PTGFR: variants seen among roughly 807,000 people sequenced by gnomAD.
PTGFR encodes the protein prostaglandin F receptor, also known as prostaglandin F2-alpha receptor.
Under a neutral mutation model 26.2 loss-of-function variants are expected in PTGFR, and 15 were observed. That is an observed-to-expected ratio of 0.57 (90% CI 0.38 to 0.88). PTGFR has a LOEUF of 0.88. Among genes scored for constraint, PTGFR ranks in the 40% least tolerant of loss-of-function variants. The pLI is 0.00. For missense variants in PTGFR, 369 were observed against 427.2 expected, an observed-to-expected ratio of 0.86 and a Z score of 1.20; for synonymous variants, 165 against 151.1, an observed-to-expected ratio of 1.09 and a Z score of -0.68.
chr1:78,519,632 A>T (rs1329345219), intron 2 of PTGFR, among the ~76,000 whole-genome samples: 1 of 152,130 alleles, frequency 6.6e-6, no homozygotes, highest in Admixed American at 6.6e-5. Context: ...TACTAACCTC[A>T]AAGGAATTTG....
chr1:78,497,812 C>T (rs549852987), intron 2 of PTGFR: 28 of 1,110,984 alleles, frequency 2.5e-5, no homozygotes, highest in Middle Eastern at 2.0e-4. Context: ...AGACTTAGGA[C>T]GCTATTAAAC....
At chr1:78,509,849 G>A (rs1275420349) in intron 2 of PTGFR, among the ~76,000 whole-genome samples, 1 of 152,132 alleles carries the variant, frequency 6.6e-6, no homozygotes, top group African/African-American at 2.4e-5. Flanking sequence ...ATGTTTGGTG[G>A]TAAAGGTGAC....
intron 2 of PTGFR, chr1:78,497,863 C>T: frequency 6.4e-7 from 1 of 1,556,642 alleles, no homozygotes; most frequent in Non-Finnish European, 8.8e-7. Flanking sequence ...TTTGTTTTAC[C>T]TTCTCTTCAG....
At chr1:78,509,593 A>G (rs545069241) in intron 2 of PTGFR, among the ~76,000 whole-genome samples, 39 of 152,298 alleles carry the variant, frequency 2.6e-4, no homozygotes, top group Admixed American at 2.1e-3. Flanking sequence ...TTTCCGATAC[A>G]TCTTAATTTT....
chr1:78,493,482 A>G lies in PTGFR; in HGVS notation c.739A>G (p.Met247Val). The G allele has an allele frequency of 6.3e-7, 1 of 1,587,878 alleles. No individual in the cohort carries two copies. The highest frequency in any genetic ancestry group is 1.2e-5 in the South Asian group (1 of 86,788). Residue 247 changes from methionine (M) to valine (V), a missense_variant, in exon 2 of 3, where the codon ATG becomes GTG. Coordinates refer to ENST00000370757, the MANE Select transcript of PTGFR (RefSeq NM_000959.4). ...HRQGRSHHLEMVIQLLAIMCV... is the reference protein window; with the variant it reads ...HRQGRSHHLEVVIQLLAIMCV... Reference sequence around the variant, plus strand: ...ACAAGGCAGATCTCATCATTTGGAAATGGTAATCCAGCTCCTGGCGATAAT... The same window carrying G: ...ACAAGGCAGATCTCATCATTTGGAAGTGGTAATCCAGCTCCTGGCGATAAT...
At chr1:78,535,002 T>G (rs1410176024) in intron 2 of PTGFR, among the ~76,000 whole-genome samples, 4 of 152,118 alleles carry the variant, frequency 2.6e-5, no homozygotes, top group Non-Finnish European at 5.9e-5. Flanking sequence ...TTTCCAAGGC[T>G]GGGGTTAGGG....
chr1:78,494,234 A>G (rs1198368160), intron 2 of PTGFR, among the ~76,000 whole-genome samples: 2 of 152,282 alleles, frequency 1.3e-5, no homozygotes. Flanking sequence ...AGAAACAAAC[A>G]TAAATCATAT....
intron 2 of PTGFR, chr1:78,497,776 T>A: frequency 1.2e-6 from 1 of 802,980 alleles, no homozygotes; most frequent in Non-Finnish European, 2.1e-6. Flanking sequence ...ATGGTAATTT[T>A]AATCTGTTCC....
intron 2 of PTGFR, among the ~76,000 whole-genome samples, chr1:78,519,841 G>A (rs141713292): frequency 8.1e-4 from 124 of 152,256 alleles, no homozygotes; most frequent in African/African-American, 3.0e-3. Flanking sequence ...TCTGGGCTTA[G>A]TGGAGTAGGT....
intron 1 of PTGFR, among the ~76,000 whole-genome samples, chr1:78,492,056 T>A (rs1024740657): frequency 1.3e-5 from 2 of 152,200 alleles, no homozygotes; most frequent in Admixed American, 6.5e-5. Flanking sequence ...CCAGAAAACC[T>A]TCCCAGAGAC....
intron 2 of PTGFR, among the ~76,000 whole-genome samples, chr1:78,520,318 A>G (rs758757614): frequency 6.6e-6 from 1 of 152,100 alleles, no homozygotes; most frequent in Non-Finnish European, 1.5e-5. Context: ...TGTTCTTTTA[A>G]GTGAGGCCAT....
intron 2 of PTGFR, among the ~76,000 whole-genome samples, chr1:78,535,751 A>T (rs989852263): frequency 6.6e-6 from 1 of 152,170 alleles, no homozygotes; most frequent in African/African-American, 2.4e-5. Context: ...TGGACACATG[A>T]AATCACAAAA....
chr1:78,523,929 C>G (rs187645999), intron 2 of PTGFR, among the ~76,000 whole-genome samples: 2 of 152,184 alleles, frequency 1.3e-5, no homozygotes, highest in East Asian at 3.9e-4. Flanking sequence ...CCCAGCATGT[C>G]TGAAAGTAGC....
chr1:78,536,549 T>C lies in PTGFR; in HGVS notation c.942T>C (p.Asn314=). Residue 314 remains asparagine, a synonymous_variant, in exon 3 of 3, where the codon AAT becomes AAC. Coordinates refer to ENST00000370757, the MANE Select transcript of PTGFR (RefSeq NM_000959.4). ...TTCTACGAAAGGCTGTCCTTAAGAA[T>C]CTCTATAAGCTTGCCAGTCAATGCT... is the stretch of plus-strand genomic sequence containing the variant. ...YILLRKAVLK[N]LYKLASQCCG... 1.2e-6 allele frequency: 2 copies of C among 1,613,464 alleles called. No individual in the cohort carries two copies. The highest frequency in any genetic ancestry group is 1.7e-6 in the Non-Finnish European group (2 of 1,179,564).
At chr1:78,518,861 T>C (rs1650158216) in intron 2 of PTGFR, among the ~76,000 whole-genome samples, 1 of 152,250 alleles carries the variant, frequency 6.6e-6, no homozygotes, top group South Asian at 2.1e-4. Context: ...TCGAGTACCC[T>C]GCAGAAGCAA....
chr1:78,521,375 T>C (rs1321169015), intron 2 of PTGFR, among the ~76,000 whole-genome samples: 1 of 152,168 alleles, frequency 6.6e-6, no homozygotes, highest in Non-Finnish European at 1.5e-5. Flanking sequence ...GCTGAACTAC[T>C]TGATTATTGC....
chr1:78,533,699 A>G (rs1413906569), intron 2 of PTGFR, among the ~76,000 whole-genome samples: 2 of 152,194 alleles, frequency 1.3e-5, no homozygotes, highest in Non-Finnish European at 2.9e-5. Flanking sequence ...TGAATAGTAA[A>G]CAGCCACAGA....
rs553102068 is a variant in PTGFR, at chr1:78,504,987, AAT to A, written c.798+11450_798+11451del. The stretch of plus-strand genomic sequence containing the variant: ...GACTTGAGTACAATTGATCAATTTT[AAT>A]ATAGAGTGTTTCTTATCTTGATCAC... On this transcript the variant is annotated intron_variant, in intron 2 of 2. Transcript: ENST00000370757. Among the ~76,000 whole-genome samples, 435 of 152,256 alleles carry A rather than the reference AAT, an allele frequency of 2.9e-3. 3 individuals carry two copies. The highest frequency in any genetic ancestry group is 0.01 in the African/African-American group (416 of 41,554).
chr1:78,509,460 G>T (rs1374600642), intron 2 of PTGFR, among the ~76,000 whole-genome samples: 1 of 152,170 alleles, frequency 6.6e-6, no homozygotes, highest in Non-Finnish European at 1.5e-5. Flanking sequence ...TGCATATAAA[G>T]AACTGTATGA....
Sources: allele counts gnomAD v4.1 joint callset (sites outside exome capture counted in the v4.1 genomes callset), GRCh38; gene constraint gnomAD v4.1.1; transcripts MANE v1.5; gene names NCBI Gene and HGNC (gene_info 2026-07-23, HGNC 2026-07-21).